Variants in ADGRA3 observed in about 807,000 individuals in gnomAD.
ADGRA3 encodes the protein G-protein coupled receptor 125.
ADGRA3 carries 56 observed loss-of-function variants against 119.8 expected under a neutral mutation model. The ratio of observed to expected loss-of-function variants is 0.47; its 90% CI spans 0.38 to 0.58. The LOEUF (loss-of-function observed/expected upper bound fraction) is 0.58, where lower values mean the gene tolerates loss of function less well. ADGRA3 is among the 20% of genes least tolerant of loss of function. ADGRA3 has a pLI of 0.00. For missense variants in ADGRA3, 1,516 were observed against 1,649.0 expected (o/e 0.92, Z 1.40); for synonymous variants, 607 against 623.8 (o/e 0.97, Z 0.40).
chr4:22,453,071 G>A (rs61792027), intron 4 of ADGRA3, among the ~76,000 whole-genome samples: 4,592 of 151,578 alleles, frequency 0.03, 115 homozygotes, highest in East Asian at 0.073. Context: ...GCGTGGTGGC[G>A]GGCACCTGTA....
intron 12 of ADGRA3, among the ~76,000 whole-genome samples, chr4:22,418,300 A>G (rs1281027189): frequency 1.3e-5 from 2 of 152,192 alleles, no homozygotes; most frequent in African/African-American, 2.4e-5. Context: ...CTTGATTCTC[A>G]GGCTCCCAAA....
chr4:22,420,728 C>T, intron 12 of ADGRA3, 158 bp downstream of exon 12: 1 of 691,632 alleles, frequency 1.4e-6, no homozygotes, highest in Non-Finnish European at 2.5e-6. Context: ...TAATGCAGTT[C>T]TTCCTGGTTA....
In ADGRA3 at chr4:22,477,613, A is replaced by G. The variant is rs554611910; in HGVS notation, c.258-3770T>C. ...AAAACACGGCCAGGGTAGTGGCTGA[A>G]TTACACTCACTGCAATTCCAGAATG... On this transcript the variant is annotated intron_variant, in intron 1 of 18. Coordinates refer to ENST00000334304, the MANE Select transcript of ADGRA3 (RefSeq NM_145290.4). The G allele has an allele frequency of 2.0e-5, 3 of 152,346 alleles. No individual in the cohort carries two copies. The East Asian group carries it at 5.8e-4, about 29-fold the overall frequency. The allele number at this position is 152,346 out of a possible 1,614,324, so 9.4% of individuals were successfully genotyped here.
intron 14 of ADGRA3, among the ~76,000 whole-genome samples, chr4:22,410,537 T>C (rs1455467861): frequency 1.3e-5 from 2 of 152,166 alleles, no homozygotes; most frequent in African/African-American, 2.4e-5. Flanking sequence ...GAAAGTTTTA[T>C]GGACTATATC....
intron 1 of ADGRA3, among the ~76,000 whole-genome samples, chr4:22,475,902 C>T (rs544793368): frequency 1.3e-5 from 2 of 152,138 alleles, no homozygotes; most frequent in African/African-American, 4.8e-5. Context: ...AACCAAACAC[C>T]ACCTGTTCCC....
chr4:22,433,146 TA>T (rs1161911132), intron 10 of ADGRA3, among the ~76,000 whole-genome samples: 1 of 152,200 alleles, frequency 6.6e-6, no homozygotes, highest in African/African-American at 2.4e-5. Context: ...CAATCCTGAA[TA>T]TTTTCCTGTT....
At chr4:22,389,908 C>T (rs747754386) in intron 17 of ADGRA3, among the ~76,000 whole-genome samples, 4 of 152,034 alleles carry the variant, frequency 2.6e-5, no homozygotes, top group Non-Finnish European at 4.4e-5. Context: ...CTTAATTTTG[C>T]GTTTGCTCCT....
At position 22,394,042 on chromosome 4, in the gene ADGRA3, T is replaced by C. The variant is rs112091538; in HGVS notation, c.2482-1352A>G. ...TTTAGTTTAAGAAAAGTAAATGTCA[T>C]ATGTCACTGGAGTATCAAGGACATA... On this transcript the variant is annotated intron_variant, in intron 16 of 18. Transcript: ENST00000334304. 504 of 152,306 alleles carry C rather than the reference T, an allele frequency of 3.3e-3. 6 individuals carry two copies. Among genetic ancestry groups the C allele is most frequent in the African/African-American group, 0.012 (495 of 41,570 alleles). 9.4% of individuals were successfully genotyped at this position (152,306 alleles called of 1,614,324 possible).
chr4:22,482,873 GGCAGGAGA>G, intron 1 of ADGRA3, among the ~76,000 whole-genome samples: 1 of 152,294 alleles, frequency 6.6e-6, no homozygotes, highest in East Asian at 1.9e-4. Context: ...AGGGCCTTGG[GGCAGGAGA>G]GCAGTTAGCT....
intron 1 of ADGRA3, among the ~76,000 whole-genome samples, chr4:22,481,360 C>T (rs1397310848): frequency 6.6e-6 from 1 of 152,100 alleles, no homozygotes; most frequent in East Asian, 1.9e-4. Context: ...CTGGTGACTC[C>T]CAACATTCTT....
At chr4:22,393,326 C>G (rs1006578770) in intron 16 of ADGRA3, 5 of 152,456 alleles carry the variant, frequency 3.3e-5, no homozygotes, top group African/African-American at 1.2e-4. Flanking sequence ...CATGCCCGGC[C>G]TAGAGTCCAT....
At chr4:22,396,269 A>C (rs1487114015) in intron 16 of ADGRA3, among the ~76,000 whole-genome samples, 2 of 152,212 alleles carry the variant, frequency 1.3e-5, no homozygotes. Flanking sequence ...CAGAGTGAGA[A>C]GTACCTGGCT....
At chr4:22,425,630 G>A (rs1715898422) in intron 10 of ADGRA3, among the ~76,000 whole-genome samples, 1 of 152,178 alleles carries the variant, frequency 6.6e-6, no homozygotes, top group Non-Finnish European at 1.5e-5. Context: ...GCATTAAAAG[G>A]CGTTAAGTCC....
Position 22,421,157 on chromosome 4 carries a change from T to C in ADGRA3, c.1606-68A>G. 5.9e-6 allele frequency: 8 copies of C among 1,354,670 alleles called. No individual in the cohort carries two copies. In the South Asian group the frequency reaches 1.0e-4, roughly 17 times the overall value. The allele number at this position is 1,354,670 out of a possible 1,614,324, so 83.9% of individuals were successfully genotyped here. On this transcript the variant is annotated intron_variant, in intron 11 of 18. Coordinates refer to ENST00000334304, the MANE Select transcript of ADGRA3 (RefSeq NM_145290.4). ...ACAAAGGAAAAGCACTTTCAAAGAC[T>C]TTTCAAACACAAAACACTATGCATT...
At chr4:22,473,986 G>A (rs1717951203) in intron 1 of ADGRA3, 143 bp from the exon 2 acceptor site, 3 of 505,310 alleles carry the variant, frequency 5.9e-6, no homozygotes, top group Non-Finnish European at 1.1e-5. Context: ...AAAAAAGTGA[G>A]TGTCTTCCCC....
At chr4:22,426,139 T>A (rs945691063) in intron 10 of ADGRA3, among the ~76,000 whole-genome samples, 5 of 152,186 alleles carry the variant, frequency 3.3e-5, no homozygotes, top group Admixed American at 6.5e-5. Flanking sequence ...TTTAAGATGA[T>A]AGACTCTAGA....
chr4:22,398,784 C>G (rs1714482089), intron 16 of ADGRA3, among the ~76,000 whole-genome samples: 1 of 152,178 alleles, frequency 6.6e-6, no homozygotes, highest in Admixed American at 6.6e-5. Context: ...TTCACTCTCT[C>G]TGTGCTGGGC....
At chr4:22,462,763 C>T (rs773886163) in intron 2 of ADGRA3, among the ~76,000 whole-genome samples, 7 of 152,220 alleles carry the variant, frequency 4.6e-5, no homozygotes, top group Non-Finnish European at 1.0e-4. Context: ...TATGCTGGCA[C>T]GTCCATGCAA....
intron 1 of ADGRA3, among the ~76,000 whole-genome samples, chr4:22,478,629 C>T (rs4235298): frequency 0.88 from 134,600 of 152,182 alleles, 59,632 homozygotes; most frequent in East Asian, 0.99. Context: ...AAACTGTGAA[C>T]GTGACCTTGT....
Sources: gnomAD v4.1 joint callset for allele counts (sites outside exome capture counted in the v4.1 genomes callset) on GRCh38, gnomAD v4.1.1 for gene constraint, MANE v1.5 for transcripts, NCBI Gene and HGNC (gene_info 2026-07-23, HGNC 2026-07-21) for gene names.